The following L3MBTL3 variants were observed in gnomAD, a reference collection of about 807,000 sequenced individuals.
The protein encoded by L3MBTL3 is L3MBTL histone methyl-lysine binding protein 3, also known as lethal(3)malignant brain tumor-like protein 3.
A neutral mutation model predicts 102.3 loss-of-function variants in L3MBTL3; 27 were observed. The observed-to-expected ratio is 0.26, with a 90% confidence interval of 0.19 to 0.36. The LOEUF (loss-of-function observed/expected upper bound fraction) is 0.36. Among genes scored for constraint, L3MBTL3 ranks in the 10% least tolerant of loss-of-function variants. L3MBTL3 has a pLI of 1.00. For synonymous variants in L3MBTL3, 340 were observed against 320.9 expected (o/e 1.06, Z -0.64); for missense variants, 798 against 955.3 (o/e 0.84, Z 2.17).
Position 130,060,256 on chromosome 6 carries a change from G to T in L3MBTL3, c.864+116G>T, listed in dbSNP as rs532129756. ...CCAGGCATGGTGCTTACTGTTTTGTGTGCATTATTTCATTTAATCTTTGTA... is the reference window on the plus strand; with the variant it reads ...CCAGGCATGGTGCTTACTGTTTTGTTTGCATTATTTCATTTAATCTTTGTA... On this transcript the variant is annotated intron_variant, in intron 10 of 22. Transcript: ENST00000361794. The T allele has an allele frequency of 8.2e-5, 50 of 612,226 alleles. 1 individual carries two copies. The South Asian group carries it at 1.2e-3, about 14-fold the overall frequency. The allele number at this position is 612,226 out of a possible 1,614,324, so 37.9% of individuals were successfully genotyped here.
Position 130,133,360 on chromosome 6 carries a change from C to T in L3MBTL3, c.1967-92C>T, listed in dbSNP as rs1206273775. ...AAGGAACCAATGCTTTAACCACTCC[C>T]ACCTCCAGTCTCGTTATCTGGGAGA... On this transcript the variant is annotated intron_variant, in intron 20 of 22. Coordinates refer to ENST00000361794, the MANE Select transcript of L3MBTL3 (RefSeq NM_032438.4). The surrounding 1 kb of genome is among the most constrained non-coding windows in gnomAD (Gnocchi z 4.9). The T allele has an allele frequency of 1.6e-6, 2 of 1,220,068 alleles. No homozygotes were observed. Among genetic ancestry groups the T allele is most frequent in the Non-Finnish European group, 1.2e-6 (1 of 846,582 alleles). 75.6% of individuals were successfully genotyped at this position (1,220,068 alleles called of 1,614,324 possible).
intron 19 of L3MBTL3, among the ~76,000 whole-genome samples, chr6:130,114,020 C>T (rs183660204): frequency 4.7e-4 from 72 of 152,196 alleles, no homozygotes; most frequent in Admixed American, 2.9e-3. Context: ...TGAATATCGG[C>T]GAAAGTAATT....
At chr6:130,084,952 C>G (rs1371807990) in intron 15 of L3MBTL3, among the ~76,000 whole-genome samples, 1 of 152,122 alleles carries the variant, frequency 6.6e-6, no homozygotes, top group Non-Finnish European at 1.5e-5. Context: ...ACCTCAGCTT[C>G]CTGAGTAGTT....
At chr6:130,040,188 T>TGTG (rs1780332221) in intron 2 of L3MBTL3, among the ~76,000 whole-genome samples, 1 of 151,546 alleles carries the variant, frequency 6.6e-6, no homozygotes, top group Non-Finnish European at 1.5e-5. Context: ...ATTAGTCAGG[T>TGTG]GTGGTGGTGG....
At chr6:130,112,400 T>C (rs1785410107) in intron 19 of L3MBTL3, among the ~76,000 whole-genome samples, 2 of 152,248 alleles carry the variant, frequency 1.3e-5, no homozygotes, top group Admixed American at 1.3e-4. Context: ...TCCTACACTT[T>C]GAACTGTGAG....
intron 2 of L3MBTL3, among the ~76,000 whole-genome samples, chr6:130,035,440 G>T (rs1779998491): frequency 6.6e-6 from 1 of 152,196 alleles, no homozygotes. Flanking sequence ...AGAGAGATAG[G>T]AGGTAATTCT....
At chr6:130,120,850 T>C (rs372516959) in intron 19 of L3MBTL3, 29 bp from the exon 20 acceptor site, 86 of 1,550,340 alleles carry the variant, frequency 5.5e-5, no homozygotes, top group African/African-American at 1.8e-4. Context: ...GTTTCTCTTA[T>C]AAAATATTGA....
intron 18 of L3MBTL3, among the ~76,000 whole-genome samples, chr6:130,095,391 C>T (rs1179445093): frequency 2.6e-5 from 4 of 152,084 alleles, no homozygotes; most frequent in African/African-American, 9.7e-5. Flanking sequence ...CCTTAATGTT[C>T]TATGAGGTTC....
chr6:130,075,452 T>C (rs977754509), intron 13 of L3MBTL3, among the ~76,000 whole-genome samples: 8 of 152,170 alleles, frequency 5.3e-5, no homozygotes, highest in African/African-American at 1.9e-4. Context: ...GCAGCCAGTT[T>C]ATTCAGTGCA....
intron 1 of L3MBTL3, among the ~76,000 whole-genome samples, chr6:130,021,984 C>A (rs1204316484): frequency 6.6e-6 from 1 of 152,160 alleles, no homozygotes; most frequent in African/African-American, 2.4e-5. Context: ...ACCTGCCTGT[C>A]ATATACAACA....
chr6:130,110,067 T>C (rs984081951), intron 19 of L3MBTL3, among the ~76,000 whole-genome samples: 2 of 152,234 alleles, frequency 1.3e-5, no homozygotes, highest in African/African-American at 2.4e-5. Context: ...ATATCTGTTT[T>C]GGTACCAGTA....
chr6:130,086,117 T>A, intron 15 of L3MBTL3, 23 bp from the exon 16 acceptor site: 1 of 1,496,932 alleles, frequency 6.7e-7, no homozygotes, highest in Non-Finnish European at 9.3e-7. Flanking sequence ...TATCTCACTC[T>A]GTAAAATTTT....
At chr6:130,030,944 T>G (rs1176760927) in intron 2 of L3MBTL3, among the ~76,000 whole-genome samples, 1 of 152,204 alleles carries the variant, frequency 6.6e-6, no homozygotes, top group Non-Finnish European at 1.5e-5. Flanking sequence ...AAGAAATTAT[T>G]GTGCCCCACC....
chr6:130,068,523 C>T (rs926456402), intron 12 of L3MBTL3, 102 bp downstream of exon 12: 24 of 631,520 alleles, frequency 3.8e-5, no homozygotes, highest in Admixed American at 3.0e-4. Context: ...TAAATTTTAT[C>T]GCCTTGGTAA....
intron 19 of L3MBTL3, among the ~76,000 whole-genome samples, chr6:130,116,916 TTTTTA>T (rs1295793787): frequency 1.9e-5 from 1 of 51,298 alleles, no homozygotes; most frequent in Non-Finnish European, 6.2e-5. Flanking sequence ...CTGGTTGTCA[TTTTTA>T]TTTTTTTTAT....
intron 19 of L3MBTL3, among the ~76,000 whole-genome samples, chr6:130,108,231 G>GTTTTTTTTTTTTTTTTTTTTT (rs869221525): frequency 1.1e-5 from 1 of 91,052 alleles, no homozygotes; most frequent in Non-Finnish European, 2.1e-5. Context: ...TTTTTTTTTT[G>GTTTTTTTTTTTTTTTTTTTTT]TTTTTTTTTT....
intron 2 of L3MBTL3, among the ~76,000 whole-genome samples, chr6:130,031,250 G>A (rs1200772618): frequency 6.6e-6 from 1 of 152,220 alleles, no homozygotes; most frequent in Non-Finnish European, 1.5e-5. Context: ...CAGACTGGGA[G>A]CTAGATTAGA....
intron 19 of L3MBTL3, among the ~76,000 whole-genome samples, chr6:130,106,151 T>G (rs1784968863): frequency 6.6e-6 from 1 of 152,220 alleles, no homozygotes; most frequent in Admixed American, 6.5e-5. Flanking sequence ...CTATTAATAC[T>G]TATCATTAGT....
chr6:130,084,052 A>C (rs763456331), intron 15 of L3MBTL3, among the ~76,000 whole-genome samples: 1 of 152,202 alleles, frequency 6.6e-6, no homozygotes, highest in African/African-American at 2.4e-5. Flanking sequence ...AATATTTTTC[A>C]ATAAAAACTG....
Sources: gnomAD v4.1 joint callset for allele counts (sites outside exome capture counted in the v4.1 genomes callset) on GRCh38, gnomAD v4.1.1 for gene constraint, Gnocchi (gnomAD v3.1) non-coding constraint, MANE v1.5 for transcripts, NCBI Gene and HGNC (gene_info 2026-07-23, HGNC 2026-07-21) for gene names.